The following PTER variants were observed in gnomAD, a reference collection of about 807,000 sequenced individuals.
PTER encodes the protein N-acetyltaurine hydrolase.
Under a neutral mutation model 29.6 loss-of-function variants are expected in PTER, and 38 were observed. The ratio of observed to expected loss-of-function variants is 1.28; its 90% confidence interval spans 0.99 to 1.68. The LOEUF (loss-of-function observed/expected upper bound fraction) is 1.68. PTER is among the 40% of genes most tolerant of loss of function. PTER has a pLI of 0.00. For missense variants in PTER, 482 were observed against 427.8 expected (o/e 1.13, Z -1.12); for synonymous variants, 172 against 154.5 (o/e 1.11, Z -0.84).
At chr10:16,510,852 T>G (rs75591548) in intron 4 of PTER, among the ~76,000 whole-genome samples, 194 bp from the exon 5 acceptor site, 13,129 of 152,206 alleles carry the variant, frequency 0.086, 652 homozygotes, top group East Asian at 0.23. Flanking sequence ...AATAAGGATA[T>G]GTTCCTGCTA....
At chr10:16,489,269 G>T (rs569315425) in intron 3 of PTER, among the ~76,000 whole-genome samples, 44 of 152,016 alleles carry the variant, frequency 2.9e-4, no homozygotes, top group Non-Finnish European at 6.0e-4. Flanking sequence ...AGTTCTAGTT[G>T]GTTACTTTTC....
At position 16,467,432 on chromosome 10, in the gene PTER, T is replaced by C. The variant is rs1157074806; in HGVS notation, c.-48-16905T>C. 3.9e-5 allele frequency among the ~76,000 whole-genome samples: 6 copies of C among 152,004 alleles called. No individual in the cohort carries two copies. The South Asian group carries it at 1.2e-3, about 31-fold the overall frequency. On this transcript the variant is annotated intron_variant, in intron 1 of 4. Coordinates refer to ENST00000535784, the MANE Select transcript of PTER (RefSeq NM_001261836.2). Reference sequence around the variant, plus strand: ...TTGGATAAGAGGGCACTACTGTGGATAGTAAGGGAAAGTTAAAAAAACAAA... The same window carrying C: ...TTGGATAAGAGGGCACTACTGTGGACAGTAAGGGAAAGTTAAAAAAACAAA...
chr10:16,486,786 A>G lies in PTER; in HGVS notation c.698+169A>G, dbSNP rs528396780. ...TCACAACTGACATGAATAAAAGTCA[A>G]TGCTGCCATTTTTGTGTCCCTCCTC... On this transcript the variant is annotated intron_variant, in intron 3 of 4. Coordinates refer to ENST00000535784, the MANE Select transcript of PTER (RefSeq NM_001261836.2). The G allele has an allele frequency of 2.8e-5, 21 of 754,544 alleles. No individual in the cohort carries two copies. The East Asian group carries it at 3.0e-4, about 11-fold the overall frequency. The allele number at this position is 754,544 out of a possible 1,614,324, so 46.7% of individuals were successfully genotyped here. A position where few individuals can be genotyped will look rare whatever the true frequency, so the allele number is the denominator to read the frequency against.
At chr10:16,449,718 G>C (rs910433058) in intron 1 of PTER, among the ~76,000 whole-genome samples, 3 of 152,174 alleles carry the variant, frequency 2.0e-5, no homozygotes, top group Admixed American at 2.0e-4. Flanking sequence ...CAAGGATGCA[G>C]GTGCTCCTCT....
chr10:16,488,611 A>ATG (rs1371643357), intron 3 of PTER, among the ~76,000 whole-genome samples: 4 of 151,354 alleles, frequency 2.6e-5, no homozygotes, highest in Admixed American at 6.6e-5. Context: ...ATGGAGAGAG[A>ATG]GAGAGAGAGA....
intron 3 of PTER, among the ~76,000 whole-genome samples, chr10:16,498,259 T>A (rs1836188672): frequency 6.6e-6 from 1 of 152,136 alleles, no homozygotes; most frequent in African/African-American, 2.4e-5. Context: ...TGGGAAAGAT[T>A]GGAGTAAGAA....
In PTER at chr10:16,499,036, G is replaced by A. The variant is rs559152353; in HGVS notation, c.699-5984G>A. Among the ~76,000 whole-genome samples, 7 of 152,296 alleles carry A rather than the reference G, an allele frequency of 4.6e-5. No individual in the cohort carries two copies. The South Asian group carries it at 1.5e-3, about 32-fold the overall frequency. On this transcript the variant is annotated intron_variant, in intron 3 of 4. Coordinates refer to ENST00000535784, the MANE Select transcript of PTER (RefSeq NM_001261836.2). ...CCTGGGTGTTCTTACCCCTGGAGGG[G>A]CAGCCTGGTTTAAGAACACGGCCTC...
chr10:16,464,899 A>C (rs1834752388), intron 1 of PTER, among the ~76,000 whole-genome samples: 1 of 152,178 alleles, frequency 6.6e-6, no homozygotes, highest in Admixed American at 6.5e-5. Flanking sequence ...GAGGCCTCAC[A>C]ATCATGGTGG....
At chr10:16,497,348 C>T (rs748339276) in intron 3 of PTER, among the ~76,000 whole-genome samples, 1 of 151,060 alleles carries the variant, frequency 6.6e-6, no homozygotes, top group African/African-American at 2.4e-5. Context: ...CTTCATTCTT[C>T]GTTCGCAATA....
rs56653421 is a variant in PTER at position 16,494,942 on chromosome 10, ACAATCACT to A, written c.698+8330_698+8337del. 1.0e-2 allele frequency among the ~76,000 whole-genome samples: 1,510 copies of A among 151,194 alleles called. 21 individuals carry two copies. The highest frequency in any genetic ancestry group is 0.029 in the South Asian group (141 of 4,796). ...AAATTAGAGTATAGTAAATTAGGTT[ACAATCACT>A]CAATTATAGTAATTTGCTTTTTTTA... On this transcript the variant is annotated intron_variant, in intron 3 of 4. Coordinates refer to ENST00000535784, the MANE Select transcript of PTER (RefSeq NM_001261836.2).
chr10:16,508,033 A>C (rs1836646446), intron 4 of PTER, among the ~76,000 whole-genome samples: 1 of 151,774 alleles, frequency 6.6e-6, no homozygotes, highest in South Asian at 2.1e-4. Flanking sequence ...CAATGCCCTC[A>C]ACATATGTTT....
chr10:16,495,387 C>T (rs1836057395), intron 3 of PTER, among the ~76,000 whole-genome samples: 1 of 152,166 alleles, frequency 6.6e-6, no homozygotes, highest in Admixed American at 6.5e-5. Flanking sequence ...CCAGGCTGGT[C>T]TCAAACTATC....
At chr10:16,517,175 G>A (rs150327116), downstream of PTER, among the ~76,000 whole-genome samples, 565 of 152,192 alleles carry the variant, frequency 3.7e-3, 1 homozygote, top group African/African-American at 0.013. Context: ...TTCCTTCAGC[G>A]CAATCAACCG....
intron 1 of PTER, among the ~76,000 whole-genome samples, chr10:16,449,890 G>A (rs138085406): frequency 1.1e-3 from 171 of 152,214 alleles, no homozygotes; most frequent in Admixed American, 2.4e-3. Context: ...GGCATTTCTA[G>A]CTCACACACA....
chr10:16,477,696 C>G (rs1360668064), intron 1 of PTER, among the ~76,000 whole-genome samples: 1 of 152,120 alleles, frequency 6.6e-6, no homozygotes, highest in Non-Finnish European at 1.5e-5. Flanking sequence ...TAGTGAAGAG[C>G]CATGGATTCT....
intron 1 of PTER, among the ~76,000 whole-genome samples, chr10:16,469,086 A>G (rs1766314258): frequency 1.3e-5 from 2 of 152,186 alleles, no homozygotes; most frequent in Admixed American, 1.3e-4. Context: ...CTTGAGCAAC[A>G]AGGAGGAACC....
intron 3 of PTER, among the ~76,000 whole-genome samples, chr10:16,502,377 A>G (rs1442782362): frequency 5.9e-5 from 9 of 152,188 alleles, no homozygotes; most frequent in Admixed American, 5.2e-4. Flanking sequence ...AAAAACACAT[A>G]TTCTTTCAGC....
intron 3 of PTER, among the ~76,000 whole-genome samples, chr10:16,502,085 G>T (rs187867718): frequency 5.1e-4 from 77 of 152,280 alleles, no homozygotes; most frequent in African/African-American, 1.8e-3. Flanking sequence ...ATATAGCACT[G>T]AAAATTTAGG....
intron 2 of PTER, 39 bp from the exon 3 acceptor site, chr10:16,486,313 C>T: frequency 6.5e-7 from 1 of 1,546,734 alleles, no homozygotes; most frequent in Non-Finnish European, 8.8e-7. Context: ...TGATAAATTT[C>T]ACAACCTATA....
Sources: allele counts gnomAD v4.1 joint callset (sites outside exome capture counted in the v4.1 genomes callset), GRCh38; gene constraint gnomAD v4.1.1; transcripts MANE v1.5; gene names NCBI Gene and HGNC (gene_info 2026-07-23, HGNC 2026-07-21).